TBX15: variants seen among roughly 807,000 people sequenced by gnomAD.
TBX15 encodes the protein T-box transcription factor 15.
In TBX15, 18 loss-of-function variants were observed where a neutral mutation model predicts 53.9. That is an observed-to-expected ratio of 0.33 (90% CI 0.23 to 0.49). The LOEUF is 0.49. TBX15 is among the 20% of genes least tolerant of loss of function. The pLI is 0.98. For synonymous variants in TBX15, 295 were observed against 278.0 expected (o/e 1.06, Z -0.61); for missense variants, 692 against 749.5 (o/e 0.92, Z 0.90).
At chr1:118,891,062 C>T (rs781749347) in intron 7 of TBX15, 1 of 490,888 alleles carries the variant, frequency 2.0e-6, no homozygotes, top group Non-Finnish European at 3.1e-6. Context: ...CAGCACTGTT[C>T]ATCTCAACAA....
chr1:118,925,591 G>T (rs1320389216), intron 3 of TBX15, among the ~76,000 whole-genome samples: 1 of 152,150 alleles, frequency 6.6e-6, no homozygotes, highest in East Asian at 1.9e-4. Flanking sequence ...CCATGGATCT[G>T]GTACTTTCCT....
chr1:118,890,476 C>A (rs537171557), intron 7 of TBX15, among the ~76,000 whole-genome samples: 21 of 152,246 alleles, frequency 1.4e-4, no homozygotes, highest in African/African-American at 5.1e-4. Flanking sequence ...AGCACCAGCT[C>A]CCTTCATCCT....
intron 7 of TBX15, among the ~76,000 whole-genome samples, chr1:118,896,811 G>A (rs1654444692): frequency 6.6e-6 from 1 of 152,094 alleles, no homozygotes; most frequent in South Asian, 2.1e-4. Context: ...AAGGGAAGAG[G>A]GGATGGGTGT....
chr1:118,891,294 C>A (rs1469055917), intron 7 of TBX15, among the ~76,000 whole-genome samples: 1 of 152,196 alleles, frequency 6.6e-6, no homozygotes. Flanking sequence ...CTCTGAGTGT[C>A]TCCGCTTCTT....
chr1:118,983,728 C>A (rs1235554351), intron 1 of TBX15, among the ~76,000 whole-genome samples: 1 of 152,216 alleles, frequency 6.6e-6, no homozygotes, highest in East Asian at 1.9e-4. Context: ...ACGGCAGAGA[C>A]AAACCAAGGT....
intron 1 of TBX15, among the ~76,000 whole-genome samples, chr1:118,959,654 G>A (rs1468083602): frequency 6.6e-6 from 1 of 152,188 alleles, no homozygotes; most frequent in Non-Finnish European, 1.5e-5. Flanking sequence ...AACAGTGTCA[G>A]TCCTACTCCA....
At chr1:118,927,630 T>C (rs528731829) in intron 2 of TBX15, among the ~76,000 whole-genome samples, 57 of 152,320 alleles carry the variant, frequency 3.7e-4, no homozygotes, top group African/African-American at 1.3e-3. Context: ...CTCTGGGCAA[T>C]ACCTTGTTTC....
At chr1:118,968,488 T>C (rs913996059) in intron 1 of TBX15, among the ~76,000 whole-genome samples, 3 of 152,198 alleles carry the variant, frequency 2.0e-5, no homozygotes, top group Non-Finnish European at 4.4e-5. Context: ...ATTACAGGTG[T>C]GAACCACTAC....
intron 1 of TBX15, among the ~76,000 whole-genome samples, chr1:118,966,700 G>A (rs1388560428): frequency 6.6e-6 from 1 of 152,230 alleles, no homozygotes; most frequent in Admixed American, 6.5e-5. Flanking sequence ...ATACCTGGCT[G>A]TGATCTTGCT....
chr1:118,966,474 G>A (rs1045380876), intron 1 of TBX15, among the ~76,000 whole-genome samples: 9 of 152,122 alleles, frequency 5.9e-5, no homozygotes, highest in Non-Finnish European at 1.0e-4. Context: ...CCAATTCCTA[G>A]GAGAACTAGA....
rs546725729 is a variant in TBX15, at chr1:118,948,532, T to C, written c.206-16700A>G. The stretch of plus-strand genomic sequence containing the variant: ...GTTTTACATAAAGTTGCTCAACTTC[T>C]CTAGGGTCCAACCTGCCTGGCTCTT... On this transcript the variant is annotated intron_variant, in intron 1 of 7. Coordinates refer to ENST00000369429, the MANE Select transcript of TBX15 (RefSeq NM_001330677.2). Among the ~76,000 whole-genome samples the C allele has an allele frequency of 3.9e-5, 6 of 152,320 alleles. No homozygotes were observed. In the East Asian group the frequency reaches 1.2e-3, roughly 29 times the overall value.
At chr1:118,919,653 T>C (rs1655357843) in intron 5 of TBX15, among the ~76,000 whole-genome samples, 1 of 152,244 alleles carries the variant, frequency 6.6e-6, no homozygotes, top group African/African-American at 2.4e-5. Context: ...TTCATTCAGT[T>C]TCATTTCAGT....
intron 1 of TBX15, among the ~76,000 whole-genome samples, chr1:118,976,383 A>AT (rs1263954733): frequency 1.3e-5 from 2 of 152,142 alleles, no homozygotes; most frequent in African/African-American, 4.8e-5. Context: ...CAACTGGCTG[A>AT]TTTTTCCCAG....
chr1:118,885,441 G>T lies in TBX15; in HGVS notation c.1100C>A (p.Ser367Tyr). 1 of 1,611,906 alleles carries T rather than the reference G, an allele frequency of 6.2e-7. No homozygotes were observed. The highest frequency in any genetic ancestry group is 8.5e-7 in the Non-Finnish European group (1 of 1,178,958). ...AAAAGTTGGAGGAGAACAGGATGGA[G>T]ATAAAAGATGAGAAGAAGCCGAAGG... ...PSPSASSHLL[S>Y]PSCSPPTFHL... The change falls in exon 8 of 8, where the codon TCT becomes TAT. Residue 367 changes from serine (S) to tyrosine (Y), a missense_variant. Ser to Tyr is a moderately radical substitution (Grantham distance 144). This residue lies in a region of TBX15 where 375 missense variants were observed against 371.6 expected (regional missense o/e 1.01). Coordinates refer to ENST00000369429, the MANE Select transcript of TBX15 (RefSeq NM_001330677.2).
At position 118,987,924 on chromosome 1, in the gene TBX15, C is replaced by A. The variant is rs989937517; in HGVS notation, c.-129G>T. ...GGCGCGTCGGACGAGGCTGAGACTG[C>A]GGCTCGCGGGTCTCTCCACCCTCCC... On this transcript the variant is annotated 5_prime_UTR_variant, in exon 1 of 8. Coordinates refer to ENST00000369429, the MANE Select transcript of TBX15 (RefSeq NM_001330677.2). The A allele has an allele frequency of 1.7e-6, 2 of 1,186,590 alleles. No individual in the cohort carries two copies. Among genetic ancestry groups the A allele is most frequent in the African/African-American group, 1.5e-5 (1 of 65,478 alleles). The allele number at this position is 1,186,590 out of a possible 1,614,324, so 73.5% of individuals were successfully genotyped here. A position where few individuals can be genotyped will look rare whatever the true frequency, so the allele number is the denominator to read the frequency against.
intron 6 of TBX15, among the ~76,000 whole-genome samples, chr1:118,902,478 T>C (rs1654664238): frequency 6.6e-6 from 1 of 152,198 alleles, no homozygotes; most frequent in Non-Finnish European, 1.5e-5. Context: ...AGTAGAAGAA[T>C]GAATGCTTTA....
chr1:118,928,136 C>T (rs1655660385), intron 2 of TBX15, among the ~76,000 whole-genome samples: 1 of 152,206 alleles, frequency 6.6e-6, no homozygotes, highest in Non-Finnish European at 1.5e-5. Flanking sequence ...ACTACTCATC[C>T]AGGAGAAGCA....
chr1:118,981,453 CACAT>C (rs2101054201), intron 1 of TBX15, among the ~76,000 whole-genome samples: 1 of 152,198 alleles, frequency 6.6e-6, no homozygotes, highest in East Asian at 1.9e-4. Context: ...TGTGTATAAG[CACAT>C]ACATTTGTGA....
rs558207949 is a variant in TBX15, at chr1:118,941,014, G to C, written c.206-9182C>G. Among the ~76,000 whole-genome samples the C allele has an allele frequency of 5.3e-5, 8 of 152,226 alleles. No individual in the cohort carries two copies. The South Asian group carries it at 1.7e-3, about 32-fold the overall frequency. ...TGGTCTTCAAGATTTACCAATTTCA[G>C]GTGAGCAGCTATCAACACAGGCCCC... On this transcript the variant is annotated intron_variant, in intron 1 of 7. Coordinates refer to ENST00000369429, the MANE Select transcript of TBX15 (RefSeq NM_001330677.2).
Sources: allele counts gnomAD v4.1 joint callset (sites outside exome capture counted in the v4.1 genomes callset), GRCh38; gene constraint gnomAD v4.1.1; regional missense constraint gnomAD v4.1.1; transcripts MANE v1.5; gene names NCBI Gene and HGNC (gene_info 2026-07-23, HGNC 2026-07-21).